Variants in CSF1R observed in about 807,000 individuals in gnomAD.
The protein encoded by CSF1R is colony stimulating factor 1 receptor, also known as macrophage colony-stimulating factor 1 receptor.
In CSF1R, 40 loss-of-function variants were observed where a neutral mutation model predicts 110.0. That is an observed-to-expected ratio of 0.36 (90% confidence interval 0.28 to 0.47). The LOEUF (loss-of-function observed/expected upper bound fraction) is 0.47, where lower values mean the gene tolerates loss of function less well. Ranked by LOEUF, CSF1R falls within the 20% of genes least tolerant of loss-of-function variation. The pLI is 0.99. For missense variants in CSF1R, 1,052 were observed against 1,253.0 expected, an observed-to-expected ratio of 0.84 and a Z score of 2.42; for synonymous variants, 523 against 503.4, an observed-to-expected ratio of 1.04 and a Z score of -0.52.
upstream of CSF1R, among the ~76,000 whole-genome samples, chr5:150,088,692 C>T (rs545639199): frequency 6.6e-5 from 10 of 152,190 alleles, no homozygotes; most frequent in African/African-American, 2.2e-4. Context: ...CGCCACCATG[C>T]CCAGCTAATT....
intron 9 of CSF1R, among the ~76,000 whole-genome samples, chr5:150,069,539 T>C (rs1757935446): frequency 1.3e-5 from 2 of 152,094 alleles, no homozygotes; most frequent in South Asian, 4.1e-4. Context: ...CTTCCCTGCA[T>C]AGGGCACGTC....
At chr5:150,099,782 T>C (rs1164903656) in intron 1 of CSF1R, among the ~76,000 whole-genome samples, 2 of 152,122 alleles carry the variant, frequency 1.3e-5, no homozygotes, top group Non-Finnish European at 2.9e-5. Context: ...GATGGAAATA[T>C]AGCTTCATTG....
chr5:150,061,031 C>G, intron 12 of CSF1R, 59 bp from the exon 13 acceptor site: 6 of 1,240,270 alleles, frequency 4.8e-6, no homozygotes, highest in Non-Finnish European at 6.9e-6. Context: ...GAGCACCACA[C>G]AGATACATGG....
intron 6 of CSF1R, among the ~76,000 whole-genome samples, chr5:150,072,720 G>T (rs539219567): frequency 6.6e-6 from 1 of 151,660 alleles, no homozygotes; most frequent in East Asian, 1.9e-4. Context: ...GTGGAGAGAC[G>T]GAAGAAGAGG....
At chr5:150,099,061 T>A (rs1759314943) in intron 1 of CSF1R, among the ~76,000 whole-genome samples, 1 of 49,878 alleles carries the variant, frequency 2.0e-5, no homozygotes, top group Admixed American at 1.7e-4. Flanking sequence ...ACCCAGCTAA[T>A]TTTTTTTTTT....
chr5:150,055,934 C>A, intron 18 of CSF1R, 92 bp downstream of exon 18: 1 of 1,171,490 alleles, frequency 8.5e-7, no homozygotes, highest in Admixed American at 2.2e-5. Flanking sequence ...CCAACCCTCG[C>A]TGTGTCCTGG....
At chr5:150,060,740 AT>A in intron 13 of CSF1R, 121 bp downstream of exon 13, 1 of 629,094 alleles carries the variant, frequency 1.6e-6, no homozygotes, top group Admixed American at 2.9e-5. Context: ...TGTGACCGGG[AT>A]CCCCCTGACA....
intron 1 of CSF1R, among the ~76,000 whole-genome samples, chr5:150,096,383 TC>T (rs1390574420): frequency 1.3e-5 from 2 of 151,926 alleles, no homozygotes; most frequent in African/African-American, 2.4e-5. Context: ...AGACTGAAAC[TC>T]CATCTCAAAA....
At chr5:150,061,410 T>C in intron 12 of CSF1R, 81 bp downstream of exon 12, 1 of 1,206,324 alleles carries the variant, frequency 8.3e-7, no homozygotes, top group East Asian at 2.4e-5. Context: ...ATGTGTGTGA[T>C]GCCTCTTGTG....
chr5:150,099,495 T>A (rs530389363), intron 1 of CSF1R, among the ~76,000 whole-genome samples: 1 of 152,318 alleles, frequency 6.6e-6, no homozygotes, highest in Admixed American at 6.5e-5. Context: ...CCTTAGCTGT[T>A]AAATGGATAA....
intron 1 of CSF1R, among the ~76,000 whole-genome samples, chr5:150,083,602 A>G (rs926555033): frequency 1.3e-5 from 2 of 151,742 alleles, no homozygotes; most frequent in African/African-American, 4.8e-5. Context: ...TTGGGACTGG[A>G]CCCTGGAAAA....
intron 10 of CSF1R, chr5:150,067,079 T>G (rs973678780): frequency 6.6e-6 from 1 of 152,432 alleles, no homozygotes; most frequent in African/African-American, 2.4e-5. Context: ...GGCCTGGTCC[T>G]CTCAGCTTCT....
chr5:150,065,940 C>G (rs1385252865), intron 10 of CSF1R, among the ~76,000 whole-genome samples: 1 of 152,250 alleles, frequency 6.6e-6, no homozygotes, highest in Admixed American at 6.5e-5. Flanking sequence ...CTCTGCATGA[C>G]TGTCCTGGCA....
At chr5:150,111,600 T>C (rs1205012120) in intron 1 of CSF1R, among the ~76,000 whole-genome samples, 2 of 152,206 alleles carry the variant, frequency 1.3e-5, no homozygotes, top group East Asian at 1.9e-4. Context: ...GATAGGAGTT[T>C]TGTCGCAGGC....
chr5:150,102,045 C>T (rs1759419863), intron 1 of CSF1R, among the ~76,000 whole-genome samples: 1 of 152,162 alleles, frequency 6.6e-6, no homozygotes, highest in Non-Finnish European at 1.5e-5. Context: ...AACAAATGGA[C>T]ACTCTAGTTC....
Position 150,061,475 on chromosome 5 carries a change from C to T in CSF1R, c.1858+16G>A, listed in dbSNP as rs748334875. On this transcript the variant is annotated intron_variant, in intron 12 of 20. Coordinates refer to ENST00000675795, the MANE Select transcript of CSF1R (RefSeq NM_001288705.3). ...ACCACCCCCCATCCCTTCCCTCATC[C>T]CCTCCCCTCACTCACACTTCAGCAT... 8.1e-6 allele frequency: 12 copies of T among 1,475,430 alleles called. No individual in the cohort carries two copies. The highest frequency in any genetic ancestry group is 1.4e-5 in the African/African-American group (1 of 69,714). The allele number at this position is 1,475,430 out of a possible 1,614,324, so 91.4% of individuals were successfully genotyped here.
intron 14 of CSF1R, chr5:150,058,333 G>A (rs926041421): frequency 1.3e-5 from 6 of 456,116 alleles, no homozygotes. Flanking sequence ...AAGCACTACT[G>A]CTCCTAACGT....
chr5:150,110,731 C>G (rs1186087546), intron 1 of CSF1R, among the ~76,000 whole-genome samples: 3 of 150,340 alleles, frequency 2.0e-5, no homozygotes, highest in South Asian at 4.2e-4. Flanking sequence ...TAGTGAGAGG[C>G]AGAATTTCAA....
chr5:150,059,962 C>T, intron 13 of CSF1R, 100 bp from the exon 14 acceptor site: 2 of 1,369,792 alleles, frequency 1.5e-6, no homozygotes, highest in South Asian at 2.8e-5. Context: ...GACTTGGACT[C>T]AGCATAGCTG....
Sources: gnomAD v4.1 joint callset for allele counts (sites outside exome capture counted in the v4.1 genomes callset) on GRCh38, gnomAD v4.1.1 for gene constraint, MANE v1.5 for transcripts, NCBI Gene and HGNC (gene_info 2026-07-23, HGNC 2026-07-21) for gene names.